ATF7IP2: variants seen among roughly 807,000 people sequenced by gnomAD.
ATF7IP2 encodes the protein activating transcription factor 7-interacting protein 2.
A neutral mutation model predicts 64.2 loss-of-function variants in ATF7IP2; 42 were observed. The ratio of observed to expected loss-of-function variants is 0.65; its 90% CI spans 0.51 to 0.85. ATF7IP2 has a LOEUF of 0.85. Among genes scored for constraint, ATF7IP2 ranks in the 40% least tolerant of loss-of-function variants. The pLI is 0.00. For synonymous variants in ATF7IP2, 308 were observed against 272.8 expected (o/e 1.13, Z -1.27); for missense variants, 933 against 784.2 (o/e 1.19, Z -2.27).
In ATF7IP2 at chr16:10,431,007, C is replaced by A. The variant is rs138817082; in HGVS notation, c.387C>A (p.Val129=). ...PSRTTESPSR[V]FTEEAKDSLN... is the part of the protein sequence containing the mutation. ...GAACAACAGAATCCCCCAGCAGAGTCTTCACAGAAGAGGCAAAAGATTCAC... is the reference window on the plus strand; with the variant it reads ...GAACAACAGAATCCCCCAGCAGAGTATTCACAGAAGAGGCAAAAGATTCAC... The change falls in exon 5 of 14, where the codon GTC becomes GTA. Residue 129 remains valine (V), a synonymous_variant. Transcript: ENST00000562102. 2.3e-4 allele frequency: 364 copies of A among 1,614,056 alleles called. No individual in the cohort carries two copies. The highest frequency in any genetic ancestry group is 2.9e-4 in the Non-Finnish European group (346 of 1,180,042).
At chr16:10,478,944 C>T (rs2050110703) in intron 12 of ATF7IP2, among the ~76,000 whole-genome samples, 1 of 152,072 alleles carries the variant, frequency 6.6e-6, no homozygotes, top group African/African-American at 2.4e-5. Flanking sequence ...ATCAAAACCA[C>T]AATGAGATAC....
intron 12 of ATF7IP2, among the ~76,000 whole-genome samples, chr16:10,479,919 A>G (rs2050153074): frequency 6.6e-6 from 1 of 150,686 alleles, no homozygotes. Flanking sequence ...ATTGTAGAAA[A>G]CAGTCTGGTG....
chr16:10,400,929 C>T (rs1051458703), intron 1 of ATF7IP2, among the ~76,000 whole-genome samples: 11 of 151,924 alleles, frequency 7.2e-5, no homozygotes, highest in African/African-American at 2.7e-4. Context: ...GGTGATCCAC[C>T]CGCCTCAGGT....
chr16:10,430,762 A>G lies in ATF7IP2; in HGVS notation c.142A>G (p.Ser48Gly). The G allele has an allele frequency of 6.2e-7, 1 of 1,612,442 alleles. No individual in the cohort carries two copies. The highest frequency in any genetic ancestry group is 8.5e-7 in the Non-Finnish European group (1 of 1,179,730). ...AACAGCAATTGGGAGTAATGTTCCA[A>G]GCGGTAATCAGAGTTTCAGTCCTAG... Reference protein sequence around the residue: ...LKTAIGSNVPSGNQSFSPSVI... With the variant: ...LKTAIGSNVPGGNQSFSPSVI... The change falls in exon 5 of 14, where the codon AGC becomes GGC. Residue 48 changes from serine (S) to glycine (G), a missense_variant. Coordinates refer to ENST00000562102, the MANE Select transcript of ATF7IP2 (RefSeq NM_001393719.1).
At chr16:10,423,642 A>G (rs987036122) in intron 3 of ATF7IP2, among the ~76,000 whole-genome samples, 3 of 152,154 alleles carry the variant, frequency 2.0e-5, no homozygotes. Flanking sequence ...TCTTCAAAAT[A>G]ATGAGGGGGT....
At chr16:10,460,448 C>T (rs560370918) in intron 9 of ATF7IP2, among the ~76,000 whole-genome samples, 195 of 152,148 alleles carry the variant, frequency 1.3e-3, no homozygotes, top group African/African-American at 4.5e-3. Flanking sequence ...AGGAATTTGC[C>T]ATCAGACGTT....
intron 9 of ATF7IP2, among the ~76,000 whole-genome samples, chr16:10,457,943 C>G (rs1018821932): frequency 1.3e-5 from 2 of 152,208 alleles, no homozygotes; most frequent in African/African-American, 4.8e-5. Flanking sequence ...AATTCCTGGG[C>G]TCAGGCAATC....
At chr16:10,429,450 A>G (rs538283581) in intron 4 of ATF7IP2, among the ~76,000 whole-genome samples, 131 of 152,288 alleles carry the variant, frequency 8.6e-4, no homozygotes, top group African/African-American at 3.0e-3. Context: ...TCCTGAGTTC[A>G]AGTGATTCGC....
intron 1 of ATF7IP2, chr16:10,386,600 GC>G (rs1252126908): frequency 3.3e-5 from 5 of 152,100 alleles, no homozygotes; most frequent in African/African-American, 1.2e-4. Context: ...ACTGGATCTC[GC>G]CTGGCGGCCT....
chr16:10,458,212 G>C (rs2049248781), intron 9 of ATF7IP2, among the ~76,000 whole-genome samples: 1 of 152,186 alleles, frequency 6.6e-6, no homozygotes, highest in Non-Finnish European at 1.5e-5. Flanking sequence ...CCCTTCAGGA[G>C]ATGCCCTAAT....
At chr16:10,395,413 A>G (rs2047403050) in intron 1 of ATF7IP2, among the ~76,000 whole-genome samples, 1 of 152,190 alleles carries the variant, frequency 6.6e-6, no homozygotes, top group African/African-American at 2.4e-5. Context: ...GAAATAGAAG[A>G]GGACAGAACA....
chr16:10,393,455 G>A (rs1021837073), intron 1 of ATF7IP2, among the ~76,000 whole-genome samples: 3 of 151,976 alleles, frequency 2.0e-5, no homozygotes, highest in Non-Finnish European at 4.4e-5. Flanking sequence ...CCTGAATTGT[G>A]ATTTGACATG....
At chr16:10,458,045 C>A (rs2049242437) in intron 9 of ATF7IP2, among the ~76,000 whole-genome samples, 1 of 152,190 alleles carries the variant, frequency 6.6e-6, no homozygotes, top group African/African-American at 2.4e-5. Flanking sequence ...GGAAAACATA[C>A]AATCAAAAAT....
chr16:10,482,291 G>GTT lies in ATF7IP2; in HGVS notation c.*44_*45dup. 7.0e-7 allele frequency: 1 copy of GTT among 1,426,022 alleles called. No homozygotes were observed. Among genetic ancestry groups the GTT allele is most frequent in the Non-Finnish European group, 9.5e-7 (1 of 1,050,512 alleles). 88.3% of individuals were successfully genotyped at this position (1,426,022 alleles called of 1,614,324 possible). A position where few individuals can be genotyped will look rare whatever the true frequency, so the allele number is the denominator to read the frequency against. ...ATATACTACTTTTTTTTTCATATTT[G>GTT]TTTGTTTGCAATGTTACTGTAATAC... On this transcript the variant is annotated 3_prime_UTR_variant, in exon 14 of 14. Coordinates refer to ENST00000562102, the MANE Select transcript of ATF7IP2 (RefSeq NM_001393719.1).
At chr16:10,392,085 ACT>A (rs2047338169) in intron 1 of ATF7IP2, among the ~76,000 whole-genome samples, 2 of 109,988 alleles carry the variant, frequency 1.8e-5, no homozygotes, top group East Asian at 2.6e-4. Context: ...ACGGATTTTC[ACT>A]CTTTTCCCCA....
rs76391312 is a variant in ATF7IP2, at chr16:10,474,030, G to A, written c.1549+41G>A. On this transcript the variant is annotated intron_variant, in intron 12 of 13. Transcript: ENST00000562102. ...AGATCTTTCTTTTGTAAAAAGGAGG[G>A]AAGGGTAACAACTCATAATGCACTG... The A allele has an allele frequency of 2.4e-5, 33 of 1,374,524 alleles. No homozygotes were observed. In the East Asian group the frequency reaches 7.6e-4, roughly 32 times the overall value. 85.1% of individuals were successfully genotyped at this position (1,374,524 alleles called of 1,614,324 possible).
intron 12 of ATF7IP2, among the ~76,000 whole-genome samples, chr16:10,478,848 A>G (rs2142102064): frequency 6.6e-6 from 1 of 152,368 alleles, no homozygotes. Context: ...AAGGACATGA[A>G]CAGACACTTC....
chr16:10,411,962 TATTAACC>T (rs1329727544), intron 1 of ATF7IP2, among the ~76,000 whole-genome samples: 1 of 150,246 alleles, frequency 6.7e-6, no homozygotes, highest in South Asian at 2.1e-4. Context: ...CTATTAATTT[TATTAACC>T]TTTTCAAAGA....
chr16:10,443,154 C>T (rs4029451), intron 8 of ATF7IP2, among the ~76,000 whole-genome samples: 113,198 of 152,088 alleles, frequency 0.74, 42,327 homozygotes, highest in East Asian at 0.87. Context: ...AGTACCACAA[C>T]ACATCCACTC....
Sources: allele counts gnomAD v4.1 joint callset (sites outside exome capture counted in the v4.1 genomes callset), GRCh38; gene constraint gnomAD v4.1.1; transcripts MANE v1.5; gene names NCBI Gene and HGNC (gene_info 2026-07-23, HGNC 2026-07-21).